The following E2F3 variants were observed in gnomAD, a reference collection of about 807,000 sequenced individuals.
The protein encoded by E2F3 is E2F transcription factor 3, also known as transcription factor E2F3.
Under a neutral mutation model 44.4 loss-of-function variants are expected in E2F3, and 11 were observed. The observed-to-expected ratio is 0.25, with a 90% CI of 0.16 to 0.41. The LOEUF (loss-of-function observed/expected upper bound fraction) is 0.41. Among genes scored for constraint, E2F3 ranks in the 10% least tolerant of loss-of-function variants. E2F3 has a pLI of 1.00. For missense variants in E2F3, 487 were observed against 583.6 expected (o/e 0.83, Z 1.70); for synonymous variants, 249 against 253.0 (o/e 0.98, Z 0.15).
At chr6:20,484,173 GCT>G (rs1427236856) in intron 4 of E2F3, among the ~76,000 whole-genome samples, 3 of 152,196 alleles carry the variant, frequency 2.0e-5, no homozygotes, top group East Asian at 1.9e-4. Flanking sequence ...ACCTATATTA[GCT>G]CTCTCTGGGG....
At chr6:20,488,008 T>C in intron 5 of E2F3, 105 bp from the exon 6 acceptor site, 1 of 1,523,120 alleles carries the variant, frequency 6.6e-7, no homozygotes, top group South Asian at 1.2e-5. Context: ...AAAAAGCAAG[T>C]GAAAAACGAA....
Position 20,443,607 on chromosome 6 carries a change from C to T in E2F3, c.394-36239C>T, listed in dbSNP as rs547163865. On this transcript the variant is annotated intron_variant, in intron 1 of 6. Coordinates refer to ENST00000346618, the MANE Select transcript of E2F3 (RefSeq NM_001949.5). ...AAATTTAACAGGGCATGGTGGTGCA[C>T]GCCTGTAGTCTTAGTTACTCGGGAG... Among the ~76,000 whole-genome samples the T allele has an allele frequency of 3.3e-5, 5 of 152,094 alleles. No individual in the cohort carries two copies. The East Asian group carries it at 5.8e-4, about 18-fold the overall frequency.
At chr6:20,428,042 G>A (rs1028234592) in intron 1 of E2F3, among the ~76,000 whole-genome samples, 8 of 152,104 alleles carry the variant, frequency 5.3e-5, no homozygotes, top group African/African-American at 1.9e-4. Flanking sequence ...GTACTGAAAT[G>A]TTTATTTCTA....
At chr6:20,481,135 T>A in intron 2 of E2F3, 71 bp from the exon 3 acceptor site, 3 of 1,428,882 alleles carry the variant, frequency 2.1e-6, no homozygotes, top group Non-Finnish European at 2.9e-6. Flanking sequence ...CTTGCTTGAC[T>A]GCAAAGACAC....
chr6:20,410,266 T>C (rs1372934291), intron 1 of E2F3, among the ~76,000 whole-genome samples: 1 of 152,126 alleles, frequency 6.6e-6, no homozygotes, highest in East Asian at 1.9e-4. Context: ...AGGAGGCTCA[T>C]GTGTTTATAA....
intron 1 of E2F3, among the ~76,000 whole-genome samples, chr6:20,469,138 A>C (rs2127613255): frequency 6.6e-6 from 1 of 152,346 alleles, no homozygotes; most frequent in East Asian, 1.9e-4. Context: ...AAAGAAAACA[A>C]ACAAGCTTTA....
At chr6:20,444,248 G>A (rs1436987945) in intron 1 of E2F3, among the ~76,000 whole-genome samples, 1 of 152,186 alleles carries the variant, frequency 6.6e-6, no homozygotes, top group Non-Finnish European at 1.5e-5. Flanking sequence ...GTTTTTATAT[G>A]TTAGTGTCCC....
intron 1 of E2F3, among the ~76,000 whole-genome samples, chr6:20,436,217 G>A (rs993313387): frequency 3.9e-5 from 6 of 152,122 alleles, no homozygotes; most frequent in Non-Finnish European, 7.4e-5. Context: ...CTGACCTCAG[G>A]TGATCCACCT....
intron 1 of E2F3, among the ~76,000 whole-genome samples, chr6:20,441,959 G>A (rs1365494303): frequency 2.6e-5 from 4 of 151,638 alleles, no homozygotes; most frequent in South Asian, 4.2e-4. Flanking sequence ...GGGGATTGAC[G>A]CGGATCCTTT....
chr6:20,404,288 T>C (rs917640287), intron 1 of E2F3, among the ~76,000 whole-genome samples: 1 of 152,142 alleles, frequency 6.6e-6, no homozygotes, highest in Non-Finnish European at 1.5e-5. Flanking sequence ...ATGATTTAGG[T>C]CAGTATGCGG....
intron 1 of E2F3, among the ~76,000 whole-genome samples, chr6:20,475,395 T>A (rs1762012477): frequency 6.6e-6 from 1 of 152,186 alleles, no homozygotes; most frequent in South Asian, 2.1e-4. Flanking sequence ...GAGGGAGAGA[T>A]AAAACTAGTA....
At chr6:20,471,768 T>C (rs4712500) in intron 1 of E2F3, among the ~76,000 whole-genome samples, 140,605 of 152,120 alleles carry the variant, frequency 0.92, 65,057 homozygotes, top group East Asian at 1. Context: ...CAAATAAGAT[T>C]AAAAATTGCA....
chr6:20,440,630 A>G lies in E2F3; in HGVS notation c.393+38005A>G, dbSNP rs750325227. ...CTCTGCAACCCACTAGAGAAACTGA[A>G]GTTTTCTTTCCATAATGATCTGAAG... On this transcript the variant is annotated intron_variant, in intron 1 of 6. Coordinates refer to ENST00000346618, the MANE Select transcript of E2F3 (RefSeq NM_001949.5). Among the ~76,000 whole-genome samples the G allele has an allele frequency of 3.9e-4, 59 of 152,294 alleles. 2 individuals are homozygous for G. The Middle Eastern group carries it at 0.031, about 79-fold the overall frequency.
At chr6:20,415,899 C>G (rs368756349) in intron 1 of E2F3, among the ~76,000 whole-genome samples, 1 of 152,298 alleles carries the variant, frequency 6.6e-6, no homozygotes, top group African/African-American at 2.4e-5. Flanking sequence ...GGAAGTTTTG[C>G]ATTTATCATT....
At chr6:20,407,900 A>T (rs180863635) in intron 1 of E2F3, among the ~76,000 whole-genome samples, 25 of 152,364 alleles carry the variant, frequency 1.6e-4, no homozygotes, top group Middle Eastern at 3.4e-3. Context: ...TCCCTGATAA[A>T]TTCCCATGAA....
At chr6:20,454,863 G>A (rs1304470383) in intron 1 of E2F3, among the ~76,000 whole-genome samples, 1 of 152,170 alleles carries the variant, frequency 6.6e-6, no homozygotes, top group Non-Finnish European at 1.5e-5. Context: ...TCAGCTCAGA[G>A]CAGTAGTTCT....
At chr6:20,418,429 C>T (rs185361723) in intron 1 of E2F3, among the ~76,000 whole-genome samples, 19 of 152,254 alleles carry the variant, frequency 1.2e-4, no homozygotes, top group Admixed American at 1.2e-3. Flanking sequence ...AGGTCTCTTG[C>T]AATTTTTGCA....
intron 4 of E2F3, among the ~76,000 whole-genome samples, chr6:20,484,766 G>GTT (rs1762335174): frequency 6.6e-6 from 1 of 152,150 alleles, no homozygotes; most frequent in South Asian, 2.1e-4. Context: ...TGGAGTAGTA[G>GTT]TTCCATAGCT....
chr6:20,435,884 C>T (rs1581597947), intron 1 of E2F3, among the ~76,000 whole-genome samples: 1 of 151,896 alleles, frequency 6.6e-6, no homozygotes, highest in Admixed American at 6.6e-5. Flanking sequence ...TTATTACAGC[C>T]CTTATCTTGC....
Sources: gnomAD v4.1 joint callset for allele counts (sites outside exome capture counted in the v4.1 genomes callset) on GRCh38, gnomAD v4.1.1 for gene constraint, MANE v1.5 for transcripts, NCBI Gene and HGNC (gene_info 2026-07-23, HGNC 2026-07-21) for gene names.